Variants in FERMT2 observed in about 807,000 individuals in gnomAD.
The protein encoded by FERMT2 is FERM domain containing kindlin 2.
FERMT2 carries 15 observed loss-of-function variants against 82.7 expected under a neutral mutation model. The ratio of observed to expected loss-of-function variants is 0.18; its 90% confidence interval spans 0.12 to 0.28. FERMT2 has a LOEUF of 0.28. Among genes scored for constraint, FERMT2 ranks in the 10% least tolerant of loss-of-function variants. The pLI, the probability that FERMT2 is intolerant of heterozygous loss-of-function variation, is 1.00. For synonymous variants in FERMT2, 274 were observed against 271.5 expected, an observed-to-expected ratio of 1.01 and a Z score of -0.09; for missense variants, 645 against 809.4, an observed-to-expected ratio of 0.80 and a Z score of 2.46.
At chr14:52,877,469 A>C (rs1224973602) in intron 7 of FERMT2, among the ~76,000 whole-genome samples, 1 of 152,026 alleles carries the variant, frequency 6.6e-6, no homozygotes. Flanking sequence ...GTTCCTAGAA[A>C]ATAACTGATT....
chr14:52,864,359 A>G, intron 12 of FERMT2, 42 bp downstream of exon 12: 1 of 1,476,036 alleles, frequency 6.8e-7, no homozygotes, highest in Non-Finnish European at 9.4e-7. Context: ...AAAATTATAA[A>G]AACAAACCAG....
At chr14:52,927,058 TTGAC>T (rs1352021354) in intron 2 of FERMT2, among the ~76,000 whole-genome samples, 1 of 152,132 alleles carries the variant, frequency 6.6e-6, no homozygotes, top group Non-Finnish European at 1.5e-5. Context: ...TGCTACAACA[TTGAC>T]TGAATCAACA....
intron 3 of FERMT2, among the ~76,000 whole-genome samples, chr14:52,900,750 C>T (rs889111985): frequency 6.6e-6 from 1 of 152,144 alleles, no homozygotes; most frequent in African/African-American, 2.4e-5. Flanking sequence ...TAGTCCGCCC[C>T]AGCATCCCTT....
intron 3 of FERMT2, among the ~76,000 whole-genome samples, chr14:52,907,320 C>T (rs1198742800): frequency 1.1e-4 from 17 of 152,090 alleles, no homozygotes; most frequent in Non-Finnish European, 1.5e-5. Flanking sequence ...CAAATCAAAA[C>T]TTCTATAAAC....
chr14:52,934,775 A>T (rs953644702), intron 2 of FERMT2, among the ~76,000 whole-genome samples: 1 of 152,228 alleles, frequency 6.6e-6, no homozygotes, highest in African/African-American at 2.4e-5. Context: ...TATTTCATGA[A>T]CACTTTTTGT....
intron 3 of FERMT2, among the ~76,000 whole-genome samples, chr14:52,903,477 A>G (rs1887796204): frequency 6.6e-6 from 1 of 151,986 alleles, no homozygotes; most frequent in South Asian, 2.1e-4. Context: ...GTTAGAGATT[A>G]GAGTGAGCTG....
intron 2 of FERMT2, among the ~76,000 whole-genome samples, chr14:52,921,959 C>G (rs1888977877): frequency 6.6e-6 from 1 of 152,104 alleles, no homozygotes; most frequent in South Asian, 2.1e-4. Flanking sequence ...ATCATATACT[C>G]CCCGTGGGGA....
At chr14:52,865,679 C>T (rs903585854) in intron 10 of FERMT2, among the ~76,000 whole-genome samples, 11 of 152,112 alleles carry the variant, frequency 7.2e-5, no homozygotes, top group East Asian at 1.9e-4. Flanking sequence ...GTAGGCTCTA[C>T]GAAGAAAATT....
intron 2 of FERMT2, among the ~76,000 whole-genome samples, chr14:52,944,777 T>A (rs538927180): frequency 6.6e-6 from 1 of 152,330 alleles, no homozygotes; most frequent in South Asian, 2.1e-4. Flanking sequence ...TCTAACTTGA[T>A]CCTAACATGC....
rs1436176699 is a variant in FERMT2 at position 52,888,499 on chromosome 14, C to A, written c.526+4794G>T. 2.0e-5 allele frequency among the ~76,000 whole-genome samples: 3 copies of A among 152,204 alleles called. No individual in the cohort carries two copies. In the South Asian group the frequency reaches 6.2e-4, roughly 31 times the overall value. Reference sequence around the variant, plus strand: ...AATTTAGTAAGTTCTGGAACTATTACAAAATTATCCAATGCTTCCAATTCT... The same window carrying A: ...AATTTAGTAAGTTCTGGAACTATTAAAAAATTATCCAATGCTTCCAATTCT... On this transcript the variant is annotated intron_variant, in intron 4 of 14. Transcript: ENST00000341590.
At chr14:52,929,769 T>G (rs1175903474) in intron 2 of FERMT2, among the ~76,000 whole-genome samples, 1 of 152,166 alleles carries the variant, frequency 6.6e-6, no homozygotes, top group Non-Finnish European at 1.5e-5. Context: ...TGTATTTCAG[T>G]ATCCTGTGAT....
At chr14:52,925,134 T>C (rs1441238651) in intron 2 of FERMT2, among the ~76,000 whole-genome samples, 3 of 152,182 alleles carry the variant, frequency 2.0e-5, no homozygotes, top group African/African-American at 7.2e-5. Context: ...CACAAGAACA[T>C]ACCTATTCTA....
rs1238469357 is a variant in FERMT2, at chr14:52,866,470, G to C, written c.1274-1617C>G. Among the ~76,000 whole-genome samples, 4 of 152,084 alleles carry C rather than the reference G, an allele frequency of 2.6e-5. No homozygotes were observed. In the East Asian group the frequency reaches 7.7e-4, roughly 29 times the overall value. ...TCACTGGACATCAACTCCAACTGCC[G>C]AGACTCACTGTCTTCACATTATACA... is the stretch of plus-strand genomic sequence containing the variant. On this transcript the variant is annotated intron_variant, in intron 10 of 14. Transcript: ENST00000341590.
intron 2 of FERMT2, among the ~76,000 whole-genome samples, chr14:52,949,378 T>TA (rs1161313730): frequency 0.013 from 1,528 of 118,144 alleles, 52 homozygotes; most frequent in East Asian, 0.083. Flanking sequence ...ATGCTGTGTT[T>TA]AAAAAAAAAA....
chr14:52,933,643 G>C (rs1889694649), intron 2 of FERMT2, among the ~76,000 whole-genome samples: 2 of 148,646 alleles, frequency 1.3e-5, no homozygotes, highest in African/African-American at 5.0e-5. Context: ...ACTGGAGGTG[G>C]AGGTTGTGGT....
intron 7 of FERMT2, among the ~76,000 whole-genome samples, chr14:52,876,754 G>A (rs1433639574): frequency 2.0e-5 from 3 of 152,092 alleles, no homozygotes; most frequent in Admixed American, 6.6e-5. Context: ...GTCCCAAGGA[G>A]AGTATACTTC....
chr14:52,892,126 G>A (rs548725555), intron 4 of FERMT2, among the ~76,000 whole-genome samples: 114 of 151,076 alleles, frequency 7.5e-4, no homozygotes, highest in Admixed American at 3.1e-3. Context: ...AGGAAGGCCC[G>A]GAAACCAGAA....
In FERMT2 at chr14:52,859,692, C is replaced by G. The variant is rs1480936839; in HGVS notation, c.1750G>C (p.Glu584Gln). 4 of 1,596,172 alleles carry G rather than the reference C, an allele frequency of 2.5e-6. No homozygotes were observed. Among genetic ancestry groups the G allele is most frequent in the South Asian group, 1.1e-5 (1 of 87,184 alleles). The change falls in exon 14 of 15, where the codon GAA becomes CAA. Residue 584 changes from glutamate to glutamine, a missense_variant. Coordinates refer to ENST00000341590, the MANE Select transcript of FERMT2 (RefSeq NM_006832.3). The part of the protein sequence containing the change: ...IARFQGGKKE[E>Q]LIGIAYNRLI... ...CTGTTGTATGCAATTCCAATAAGTT[C>G]TTCTTTTTTGCCCCCTTGGAACCTA...
At chr14:52,905,549 G>A (rs1204615989) in intron 3 of FERMT2, among the ~76,000 whole-genome samples, 2 of 152,196 alleles carry the variant, frequency 1.3e-5, no homozygotes, top group Non-Finnish European at 2.9e-5. Flanking sequence ...ATAGACTACC[G>A]GAGCAGTGGA....
Sources: gnomAD v4.1 joint callset for allele counts (sites outside exome capture counted in the v4.1 genomes callset) on GRCh38, gnomAD v4.1.1 for gene constraint, MANE v1.5 for transcripts, NCBI Gene and HGNC (gene_info 2026-07-23, HGNC 2026-07-21) for gene names.